Variants in ERI3 observed in about 807,000 individuals in gnomAD.
ERI3 encodes the protein ERI1 exoribonuclease 3.
In ERI3, 18 loss-of-function variants were observed where a neutral mutation model predicts 44.4. That is an observed-to-expected ratio of 0.41 (90% CI 0.28 to 0.60). The LOEUF (loss-of-function observed/expected upper bound fraction) is 0.60. ERI3 is among the 20% of genes least tolerant of loss of function. ERI3 has a pLI of 0.36. For synonymous variants in ERI3, 183 were observed against 164.8 expected (o/e 1.11, Z -0.84); for missense variants, 294 against 435.5 (o/e 0.68, Z 2.89).
chr1:44,265,729 A>G (rs1644978736), intron 7 of ERI3, among the ~76,000 whole-genome samples: 1 of 152,238 alleles, frequency 6.6e-6, no homozygotes, highest in Admixed American at 6.5e-5. Context: ...CTAATTTATA[A>G]TACAACATGG....
chr1:44,340,031 T>C (rs1465795798), intron 2 of ERI3, among the ~76,000 whole-genome samples: 2 of 151,742 alleles, frequency 1.3e-5, no homozygotes, highest in Non-Finnish European at 2.9e-5. Context: ...ACTCGGTCTC[T>C]ACTCGAGGCC....
chr1:44,332,163 G>T (rs999337560), intron 3 of ERI3, among the ~76,000 whole-genome samples: 5 of 152,126 alleles, frequency 3.3e-5, no homozygotes, highest in Non-Finnish European at 7.4e-5. Context: ...GACTTAGGCG[G>T]TTTTTTTATG....
rs1557841137 is a variant in ERI3, at chr1:44,310,973, AC to A, written c.666+2195del. 6.1e-4 allele frequency among the ~76,000 whole-genome samples: 63 copies of A among 103,674 alleles called. 4 individuals carry two copies. In the East Asian group the frequency reaches 0.015, roughly 25 times the overall value. The allele number at this position is 103,674 out of a possible 152,430, so 68.0% of individuals were successfully genotyped here. On this transcript the variant is annotated intron_variant, in intron 5 of 8. Transcript: ENST00000372257. ...ACATCGCGCGCGCGCGCACACACACACACACACACACACACACACACACACA... is the reference window on the plus strand; with the variant it reads ...ACATCGCGCGCGCGCGCACACACACAACACACACACACACACACACACACA...
intron 6 of ERI3, among the ~76,000 whole-genome samples, chr1:44,297,665 G>A (rs559504019): frequency 6.6e-6 from 1 of 152,292 alleles, no homozygotes; most frequent in Admixed American, 6.5e-5. Context: ...CTTTCCCAGT[G>A]CCTGGATCTG....
chr1:44,303,183 G>A (rs1445206150), intron 6 of ERI3, among the ~76,000 whole-genome samples: 2 of 152,178 alleles, frequency 1.3e-5, no homozygotes, highest in Non-Finnish European at 2.9e-5. Flanking sequence ...CTAAGCCTGT[G>A]GGCTATCTCA....
chr1:44,229,693 T>C (rs2154315732), intron 8 of ERI3, among the ~76,000 whole-genome samples: 1 of 152,314 alleles, frequency 6.6e-6, no homozygotes, highest in East Asian at 1.9e-4. Flanking sequence ...CTCAGGGGCC[T>C]GGGCGTACAG....
At chr1:44,288,698 C>T (rs1293002592) in intron 6 of ERI3, among the ~76,000 whole-genome samples, 1 of 152,184 alleles carries the variant, frequency 6.6e-6, no homozygotes, top group Non-Finnish European at 1.5e-5. Flanking sequence ...ACACTCAGGG[C>T]TCTTTACAGT....
intron 6 of ERI3, among the ~76,000 whole-genome samples, chr1:44,306,079 T>G (rs1572234489): frequency 2.6e-5 from 4 of 152,364 alleles, no homozygotes; most frequent in Admixed American, 2.6e-4. Context: ...CGGCTGTTTT[T>G]ATTTTGTTAC....
intron 3 of ERI3, among the ~76,000 whole-genome samples, chr1:44,326,203 A>G (rs1646308751): frequency 6.6e-6 from 1 of 152,342 alleles, no homozygotes; most frequent in African/African-American, 2.4e-5. Context: ...TAAAAGCAAC[A>G]CATACCACAA....
chr1:44,239,031 T>TC (rs542547479), intron 8 of ERI3, among the ~76,000 whole-genome samples: 2,172 of 46,352 alleles, frequency 0.047, 10 homozygotes, highest in African/African-American at 0.073. Context: ...TGCTGCCCCC[T>TC]CCCCCCCCCA....
At chr1:44,264,586 C>T (rs1644954794) in intron 7 of ERI3, among the ~76,000 whole-genome samples, 3 of 152,218 alleles carry the variant, frequency 2.0e-5, no homozygotes, top group Non-Finnish European at 4.4e-5. Context: ...GGTGGGGTCT[C>T]CTCCCTCCTT....
chr1:44,299,408 C>G (rs1257552264), intron 6 of ERI3, among the ~76,000 whole-genome samples: 2 of 152,070 alleles, frequency 1.3e-5, no homozygotes, highest in Non-Finnish European at 2.9e-5. Flanking sequence ...AGGCTGGTCT[C>G]AAACTCCTGG....
In ERI3 at chr1:44,235,695, A is replaced by C. The variant is rs1456110434; in HGVS notation, c.931+12244T>G. 6.6e-6 allele frequency among the ~76,000 whole-genome samples: 1 copy of C among 152,208 alleles called. No homozygotes were observed. The highest frequency in any genetic ancestry group is 1.5e-5 in the Non-Finnish European group (1 of 68,026). On this transcript the variant is annotated intron_variant, in intron 8 of 8. Coordinates refer to ENST00000372257, the MANE Select transcript of ERI3 (RefSeq NM_024066.3). The surrounding 1 kb of genome is among the most constrained non-coding windows in gnomAD (Gnocchi z 4.6). ...CAGCTTCCAAAGCCCTGAAGGTTTC[A>C]GGCCCTTCCCCACCTCCGTTCCCTT...
intron 6 of ERI3, among the ~76,000 whole-genome samples, chr1:44,298,636 C>T (rs1254619210): frequency 1.3e-5 from 2 of 152,076 alleles, no homozygotes; most frequent in African/African-American, 2.4e-5. Flanking sequence ...AGACACAGGT[C>T]GGGTGCGGTG....
rs148842112 is a variant in ERI3 at position 44,310,536 on chromosome 1, G to A, written c.667-2135C>T. 9.2e-5 allele frequency among the ~76,000 whole-genome samples: 14 copies of A among 152,258 alleles called. No homozygotes were observed. The East Asian group carries it at 2.7e-3, about 29-fold the overall frequency. On this transcript the variant is annotated intron_variant, in intron 5 of 8. Transcript: ENST00000372257. The stretch of plus-strand genomic sequence containing the variant: ...AAGTCCACAGTATATAGAAAGAAAG[G>A]ACAAAGGCTGGAGGACTAGGTTAGG...
rs1738050 is a variant in ERI3, at chr1:44,241,623, G to T, written c.931+6316C>A. Reference sequence around the variant, plus strand: ...GGGTCAGGGCGCTGACATCCCCGCAGAGTCTATCTGCAAGTGCTAATTTGG... The same window carrying T: ...GGGTCAGGGCGCTGACATCCCCGCATAGTCTATCTGCAAGTGCTAATTTGG... On this transcript the variant is annotated intron_variant, in intron 8 of 8. Coordinates refer to ENST00000372257, the MANE Select transcript of ERI3 (RefSeq NM_024066.3). The surrounding 1 kb of genome is among the most constrained non-coding windows in gnomAD (Gnocchi z 5.6). Among the ~76,000 whole-genome samples the T allele has an allele frequency of 6.6e-6, 1 of 152,002 alleles. No individual in the cohort carries two copies. Among genetic ancestry groups the T allele is most frequent in the African/African-American group, 2.4e-5 (1 of 41,378 alleles).
chr1:44,290,764 A>G (rs746443539), intron 6 of ERI3, among the ~76,000 whole-genome samples: 2 of 152,082 alleles, frequency 1.3e-5, no homozygotes, highest in Non-Finnish European at 2.9e-5. Context: ...CTTTTCCTCA[A>G]GTTGAGGAGA....
At chr1:44,279,784 GT>G (rs1437167652) in intron 7 of ERI3, among the ~76,000 whole-genome samples, 2 of 152,090 alleles carry the variant, frequency 1.3e-5, no homozygotes, top group Non-Finnish European at 2.9e-5. Context: ...ACCATTTGCT[GT>G]TTATTATATA....
intron 7 of ERI3, among the ~76,000 whole-genome samples, chr1:44,263,434 G>T (rs1456777683): frequency 6.6e-6 from 1 of 152,224 alleles, no homozygotes; most frequent in African/African-American, 2.4e-5. Flanking sequence ...GGTCACAGTA[G>T]GGTTCCAGAA....
Sources: allele counts gnomAD v4.1 joint callset (sites outside exome capture counted in the v4.1 genomes callset), GRCh38; gene constraint gnomAD v4.1.1; non-coding constraint Gnocchi (gnomAD v3.1); transcripts MANE v1.5; gene names NCBI Gene and HGNC (gene_info 2026-07-23, HGNC 2026-07-21).